ZNF584: variants seen among roughly 807,000 people sequenced by gnomAD.
The protein encoded by ZNF584 is zinc finger protein 584.
ZNF584 carries 12 observed loss-of-function variants against 14.7 expected under a neutral mutation model. The observed-to-expected ratio is 0.82, with a 90% confidence interval of 0.52 to 1.32. ZNF584 has a LOEUF of 1.32. ZNF584 is among the 40% of genes most tolerant of loss of function. The pLI is 0.00. For synonymous variants in ZNF584, 204 were observed against 190.9 expected (o/e 1.07, Z -0.57); for missense variants, 478 against 518.8 (o/e 0.92, Z 0.76).
At chr19:58,410,685 G>A (rs867639319) in intron 2 of ZNF584, among the ~76,000 whole-genome samples, 1 of 26,738 alleles carries the variant, frequency 3.7e-5, no homozygotes, top group Non-Finnish European at 6.4e-5. Context: ...GTATATATAT[G>A]TATATATGTA....
Position 58,408,965 on chromosome 19 carries a change from C to A in ZNF584, c.-183C>A. The stretch of plus-strand genomic sequence containing the variant: ...TCGCGGACAGGCGCCGTGGGTCTCC[C>A]GGGCCTCCGTACCGTCCTCCTTCCC... On this transcript the variant is annotated 5_prime_UTR_variant, in exon 1 of 4. Transcript: ENST00000306910. 1.5e-6 allele frequency: 1 copy of A among 649,916 alleles called. No individual in the cohort carries two copies. Among genetic ancestry groups the A allele is most frequent in the Non-Finnish European group, 2.4e-6 (1 of 423,788 alleles). 40.3% of individuals were successfully genotyped at this position (649,916 alleles called of 1,614,324 possible).
At chr19:58,414,255 G>T (rs947092153) in intron 2 of ZNF584, among the ~76,000 whole-genome samples, 1 of 152,012 alleles carries the variant, frequency 6.6e-6, no homozygotes, top group African/African-American at 2.4e-5. Flanking sequence ...TTCTGTTGTT[G>T]ATTTCTGTTT....
At chr19:58,407,802 C>T (rs2052487088), upstream of ZNF584, among the ~76,000 whole-genome samples, 1 of 152,186 alleles carries the variant, frequency 6.6e-6, no homozygotes, top group African/African-American at 2.4e-5. Flanking sequence ...ACCCAGGAGC[C>T]CGGTTATTCT....
rs2052650761 is a variant in ZNF584 at position 58,416,936 on chromosome 19, T to C, written c.418T>C (p.Phe140Leu). ...AAGGCACACTGAGCATGGGGCAGCT[T>C]TCCCACCTGGTTCCAGTTGTGGGCA... ...PRRHTEHGAA[F>L]PPGSSCGQQQ... Residue 140 changes from phenylalanine (F) to leucine (L), a missense_variant, in exon 4 of 4, where the codon TTC (phenylalanine) becomes CTC (leucine). By Grantham distance (22) the Phe-to-Leu change is conservative. Transcript: ENST00000306910. 1 of 1,612,962 alleles carries C rather than the reference T, an allele frequency of 6.2e-7. No individual in the cohort carries two copies. Among genetic ancestry groups the C allele is most frequent in the Non-Finnish European group, 8.5e-7 (1 of 1,179,400 alleles).
upstream of ZNF584, chr19:58,404,143 T>G (rs1488700479): frequency 6.6e-6 from 1 of 152,376 alleles, no homozygotes; most frequent in East Asian, 1.9e-4. Context: ...GGGCAAATAC[T>G]TAGCCTATGG....
In ZNF584 at chr19:58,410,018, G is replaced by C. The variant is rs566450884; in HGVS notation, c.96G>C (p.Gly32=). The stretch of plus-strand genomic sequence containing the variant: ...TATATTTCTCCAGGGAGGAGTGGGG[G>C]CTCCTTAATGTGACCCAGAAGGGCC... ...VTVYFSREEW[G]LLNVTQKGLY... Residue 32 remains glycine (G), a synonymous_variant, in exon 2 of 4, where the codon GGG becomes GGC. Coordinates refer to ENST00000306910, the MANE Select transcript of ZNF584 (RefSeq NM_173548.3). 6.2e-7 allele frequency: 1 copy of C among 1,614,026 alleles called. No homozygotes were observed.
chr19:58,409,462 A>G (rs1176892792), intron 1 of ZNF584, among the ~76,000 whole-genome samples: 1 of 152,202 alleles, frequency 6.6e-6, no homozygotes, highest in Non-Finnish European at 1.5e-5. Context: ...GGGGGTGTAC[A>G]GTTTTAGGCA....
rs2122246439 is a variant in ZNF584 at position 58,416,822 on chromosome 19, A to G, written c.304A>G (p.Arg102Gly). 1.3e-6 allele frequency: 2 copies of G among 1,549,978 alleles called. No homozygotes were observed. The highest frequency in any genetic ancestry group is 1.7e-6 in the Non-Finnish European group (2 of 1,150,648). ...ATCTCTGCTTTCAGATGGTTTGTGT[A>G]GAGTGGAGGATGAGAGAGCCCATCC... ...RRGFGLDGLC[R>G]VEDERAHPEH... The change falls in exon 4 of 4, where the codon AGA becomes GGA. Residue 102 changes from arginine (R) to glycine (G), a missense_variant. Arg to Gly is a moderately radical substitution (Grantham distance 125, BLOSUM62 -2). Coordinates refer to ENST00000306910, the MANE Select transcript of ZNF584 (RefSeq NM_173548.3).
intron 3 of ZNF584, 167 bp downstream of exon 3, chr19:58,415,813 T>C (rs1427654828): frequency 1.2e-6 from 2 of 1,605,132 alleles, no homozygotes; most frequent in East Asian, 4.5e-5. Flanking sequence ...CTACCATGAT[T>C]TTCAGGCCCC....
intron 2 of ZNF584, among the ~76,000 whole-genome samples, chr19:58,413,009 C>A (rs1039362182): frequency 2.0e-5 from 3 of 151,948 alleles, no homozygotes; most frequent in South Asian, 2.1e-4. Flanking sequence ...TTTTCCATTC[C>A]TGTTCAAAGT....
In ZNF584 at chr19:58,417,845, A is replaced by C; in HGVS notation, c.*61A>C. 1 of 1,531,860 alleles carries C rather than the reference A, an allele frequency of 6.5e-7. No individual in the cohort carries two copies. The highest frequency in any genetic ancestry group is 2.3e-5 in the East Asian group (1 of 44,320). 94.9% of individuals were successfully genotyped at this position (1,531,860 alleles called of 1,614,324 possible). On this transcript the variant is annotated 3_prime_UTR_variant, in exon 4 of 4. Transcript: ENST00000306910. ...GGAGGTTAAGGAGAGTGGCCGTGAG[A>C]GTGCCATCCGAAAGAAGCTAAACCT...
chr19:58,402,681 G>T (rs547983236), intron 1 of ZNF584, among the ~76,000 whole-genome samples: 1 of 152,074 alleles, frequency 6.6e-6, no homozygotes, highest in African/African-American at 2.4e-5. Context: ...AATTAGCTGG[G>T]CGTGGTGGCA....
chr19:58,404,712 C>T (rs1200225173), upstream of ZNF584: 2 of 224,716 alleles, frequency 8.9e-6, no homozygotes, highest in Non-Finnish European at 1.8e-5. Flanking sequence ...ACAAAACCGC[C>T]ATTGTCATCA....
chr19:58,410,442 T>C (rs2052530350), intron 2 of ZNF584, among the ~76,000 whole-genome samples: 1 of 148,070 alleles, frequency 6.8e-6, no homozygotes, highest in South Asian at 2.1e-4. Context: ...GGGTTTTGCC[T>C]CCCTACAAAA....
rs2052653957 is a variant in ZNF584 at position 58,417,152 on chromosome 19, A to G, written c.634A>G (p.Thr212Ala). The part of the protein sequence containing the change: ...INPRKIHTGE[T>A]AHVCNECGKA... ...CCCCCGAAAAATTCACACTGGAGAA[A>G]CAGCCCATGTGTGTAATGAATGTGG... Residue 212 changes from threonine (T) to alanine (A), a missense_variant, in exon 4 of 4, where the codon ACA (threonine) becomes GCA (alanine). This residue lies in a region of ZNF584 where 283 missense variants were observed against 317.3 expected (regional missense o/e 0.89). Coordinates refer to ENST00000306910, the MANE Select transcript of ZNF584 (RefSeq NM_173548.3). The G allele has an allele frequency of 1.2e-6, 2 of 1,613,652 alleles. No homozygotes were observed. The highest frequency in any genetic ancestry group is 2.7e-5 in the African/African-American group (2 of 74,926).
Position 58,417,833 on chromosome 19 carries a change from A to C in ZNF584, c.*49A>C, listed in dbSNP as rs35652377. The C allele has an allele frequency of 0.2, 313,276 of 1,538,710 alleles. 33,430 individuals are homozygous for C. The highest frequency in any genetic ancestry group is 0.22 in the Non-Finnish European group (248,836 of 1,144,324). On this transcript the variant is annotated 3_prime_UTR_variant, in exon 4 of 4. Transcript: ENST00000306910. ...TTATTCCAGAAAGGAGGTTAAGGAG[A>C]GTGGCCGTGAGAGTGCCATCCGAAA...
At position 58,416,833 on chromosome 19, in the gene ZNF584, T is replaced by G; in HGVS notation, c.315T>G (p.Asp105Glu). The change falls in exon 4 of 4, where the codon GAT (aspartate) becomes GAG (glutamate). Residue 105 changes from aspartate (D) to glutamate (E), a missense_variant. Around this residue, in one of 3 missense-constraint regions of ZNF584, gnomAD observed 189 missense variants for 177.9 expected, o/e 1.06. Transcript: ENST00000306910. ...FGLDGLCRVE[D>E]ERAHPEHLKS... ...CAGATGGTTTGTGTAGAGTGGAGGA[T>G]GAGAGAGCCCATCCTGAGCATCTAA... 9 of 1,561,624 alleles carry G rather than the reference T, an allele frequency of 5.8e-6. No individual in the cohort carries two copies. Among genetic ancestry groups the G allele is most frequent in the Non-Finnish European group, 7.8e-6 (9 of 1,155,978 alleles).
chr19:58,403,584 T>C (rs947476046), intron 1 of ZNF584, among the ~76,000 whole-genome samples: 2 of 152,200 alleles, frequency 1.3e-5, no homozygotes, highest in African/African-American at 4.8e-5. Flanking sequence ...AAGTATTTTG[T>C]ACTATATTGT....
At chr19:58,410,855 A>T (rs1476053481) in intron 2 of ZNF584, among the ~76,000 whole-genome samples, 5 of 122,766 alleles carry the variant, frequency 4.1e-5, no homozygotes, top group Non-Finnish European at 7.9e-5. Flanking sequence ...GCAGTGGCGC[A>T]ATCTCGGCTC....
Sources: allele counts gnomAD v4.1 joint callset (sites outside exome capture counted in the v4.1 genomes callset), GRCh38; gene constraint gnomAD v4.1.1; regional missense constraint gnomAD v4.1.1; transcripts MANE v1.5; gene names NCBI Gene and HGNC (gene_info 2026-07-23, HGNC 2026-07-21).